COL11A1: variants seen among roughly 807,000 people sequenced by gnomAD.
COL11A1 encodes the protein collagen alpha-1(XI) chain.
A neutral mutation model predicts 265.2 loss-of-function variants in COL11A1; 74 were observed. The observed-to-expected ratio is 0.28, with a 90% CI of 0.23 to 0.34. The LOEUF (loss-of-function observed/expected upper bound fraction) is 0.34, where lower values mean the gene tolerates loss of function less well. COL11A1 is among the 10% of genes least tolerant of loss of function. The pLI is 1.00. For synonymous variants in COL11A1, 816 were observed against 727.6 expected, an observed-to-expected ratio of 1.12 and a Z score of -1.96; for missense variants, 2,165 against 2,263.6, an observed-to-expected ratio of 0.96 and a Z score of 0.88.
intron 14 of COL11A1, among the ~76,000 whole-genome samples, chr1:103,009,879 A>C (rs1665954467): frequency 6.6e-6 from 1 of 152,126 alleles, no homozygotes; most frequent in South Asian, 2.1e-4. Context: ...TTGCAAATAA[A>C]CTTCTGCAAG....
chr1:103,090,022 G>C (rs1345952214), intron 1 of COL11A1, among the ~76,000 whole-genome samples: 1 of 152,024 alleles, frequency 6.6e-6, no homozygotes, highest in Non-Finnish European at 1.5e-5. Context: ...TACTCCAAAG[G>C]CTGAGGCAGG....
intron 46 of COL11A1, among the ~76,000 whole-genome samples, chr1:102,932,129 G>C (rs1657536207): frequency 6.6e-6 from 1 of 151,100 alleles, no homozygotes; most frequent in Non-Finnish European, 1.5e-5. Context: ...ATTTGATCCT[G>C]TCATTATGAT....
chr1:102,984,428 T>C (rs534047904), intron 30 of COL11A1, among the ~76,000 whole-genome samples: 5 of 152,222 alleles, frequency 3.3e-5, no homozygotes, highest in Non-Finnish European at 7.4e-5. Context: ...ATATAAGTGG[T>C]AGTGCCTTCT....
At chr1:102,954,568 G>T (rs1211462225) in intron 41 of COL11A1, among the ~76,000 whole-genome samples, 3 of 152,196 alleles carry the variant, frequency 2.0e-5, no homozygotes, top group African/African-American at 7.2e-5. Context: ...CCTTCAGCCA[G>T]GCACCTTGGC....
chr1:102,910,575 T>C (rs970492571), intron 54 of COL11A1, among the ~76,000 whole-genome samples: 3 of 152,154 alleles, frequency 2.0e-5, no homozygotes. Context: ...ATTAAAAGCA[T>C]CATACTTTAT....
At chr1:102,999,352 C>T (rs1327817421) in intron 24 of COL11A1, among the ~76,000 whole-genome samples, 1 of 151,912 alleles carries the variant, frequency 6.6e-6, no homozygotes, top group East Asian at 1.9e-4. Context: ...AATGTGGCAG[C>T]GTTGCAATCT....
intron 64 of COL11A1, among the ~76,000 whole-genome samples, chr1:102,881,968 G>C (rs1180189214): frequency 6.6e-6 from 1 of 152,152 alleles, no homozygotes; most frequent in African/African-American, 2.4e-5. Context: ...ATGTAGTGAA[G>C]ATTGAGTCAT....
At position 103,008,486 on chromosome 1, in the gene COL11A1, C is replaced by T. The variant is rs1235279532; in HGVS notation, c.1660G>A (p.Glu554Lys). 6.2e-7 allele frequency: 1 copy of T among 1,613,944 alleles called. No individual in the cohort carries two copies. Among genetic ancestry groups the T allele is most frequent in the South Asian group, 1.1e-5 (1 of 91,080 alleles). ...ACCTGAGGACCTGGATCACCACTCT[C>T]ACCTTTGGCCCCAGATGAACCAGGC... ...GGPGSSGAKG[E>K]SGDPGPQGPR... The change falls in exon 15 of 67, where the codon GAG becomes AAG. Residue 554 changes from glutamate to lysine, a missense_variant. Glu to Lys is a moderately conservative substitution (Grantham distance 56, BLOSUM62 1). Transcript: ENST00000370096.
intron 41 of COL11A1, among the ~76,000 whole-genome samples, chr1:102,960,524 C>T (rs1660800477): frequency 1.3e-5 from 2 of 151,578 alleles, no homozygotes; most frequent in South Asian, 4.2e-4. Context: ...GAAATGGAGG[C>T]AAATTATCCA....
At chr1:103,002,975 A>C (rs925109198) in intron 21 of COL11A1, among the ~76,000 whole-genome samples, 184 bp from the exon 22 acceptor site, 16 of 152,192 alleles carry the variant, frequency 1.1e-4, no homozygotes, top group Admixed American at 6.6e-5. Context: ...ATTGGAGACA[A>C]TCTAGCAACA....
chr1:103,021,676 A>G (rs2101937929), intron 9 of COL11A1, 31 bp downstream of exon 9: 5 of 1,499,342 alleles, frequency 3.3e-6, no homozygotes, highest in Non-Finnish European at 4.6e-6. Flanking sequence ...AATTTTACCA[A>G]CCTTTAAAGT....
intron 46 of COL11A1, among the ~76,000 whole-genome samples, chr1:102,931,875 T>C (rs561990043): frequency 1.1e-4 from 17 of 151,506 alleles, no homozygotes; most frequent in African/African-American, 3.6e-4. Context: ...TTGATCTTTG[T>C]TGGTTTAAAG....
rs761240045 is a variant in COL11A1 at position 103,026,265 on chromosome 1, C to T, written c.848G>A (p.Ser283Asn). 1 of 1,613,776 alleles carries T rather than the reference C, an allele frequency of 6.2e-7. No individual in the cohort carries two copies. The change falls in exon 6 of 67, where the codon AGT (serine) becomes AAT (asparagine). Residue 283 changes from serine (S) to asparagine (N), a missense_variant. Transcript: ENST00000370096. ...AGTTACAGTGGGTCCCTCTGTTACA[C>T]TTTCAGCCTCTTTATACTCTGCTTC... The part of the protein sequence containing the change: ...YGEAEYKEAE[S>N]VTEGPTVTEE...
At chr1:103,064,437 T>C (rs962298794) in intron 4 of COL11A1, among the ~76,000 whole-genome samples, 4 of 152,062 alleles carry the variant, frequency 2.6e-5, no homozygotes, top group African/African-American at 9.7e-5. Flanking sequence ...ATGCCTGTAA[T>C]CCCAGCACTT....
chr1:103,006,595 C>A (rs12742130), intron 15 of COL11A1, among the ~76,000 whole-genome samples: 3,528 of 139,162 alleles, frequency 0.025, 59 homozygotes, highest in Middle Eastern at 0.1. Flanking sequence ...TGGAGCCCAG[C>A]GGCGCGATCT....
intron 36 of COL11A1, among the ~76,000 whole-genome samples, chr1:102,972,404 T>C (rs1662054899): frequency 6.6e-6 from 1 of 152,154 alleles, no homozygotes; most frequent in South Asian, 2.1e-4. Flanking sequence ...AGCGATCACA[T>C]CCTGGGAAGA....
intron 41 of COL11A1, among the ~76,000 whole-genome samples, chr1:102,959,478 C>A (rs1480515146): frequency 6.6e-6 from 1 of 152,088 alleles, no homozygotes; most frequent in East Asian, 1.9e-4. Flanking sequence ...ATGGCCCTTC[C>A]CCTTATTTAT....
chr1:102,910,002 C>T (rs1570698769), intron 54 of COL11A1, among the ~76,000 whole-genome samples: 1 of 151,652 alleles, frequency 6.6e-6, no homozygotes. Flanking sequence ...ATATCAATAG[C>T]GTCAACATTA....
At chr1:102,954,419 A>C (rs1660167848) in intron 41 of COL11A1, among the ~76,000 whole-genome samples, 1 of 152,240 alleles carries the variant, frequency 6.6e-6, no homozygotes, top group Admixed American at 6.5e-5. Context: ...AGTGATAGAC[A>C]AATCACCTCA....
Sources: gnomAD v4.1 joint callset for allele counts (sites outside exome capture counted in the v4.1 genomes callset) on GRCh38, gnomAD v4.1.1 for gene constraint, MANE v1.5 for transcripts, NCBI Gene and HGNC (gene_info 2026-07-23, HGNC 2026-07-21) for gene names.